METTL15: variants seen among roughly 807,000 people sequenced by gnomAD.
METTL15 encodes the protein 12S rRNA N(4)-cytidine methyltransferase METTL15.
METTL15 carries 34 observed loss-of-function variants against 38.3 expected under a neutral mutation model. The ratio of observed to expected loss-of-function variants is 0.89; its 90% CI spans 0.68 to 1.18. The LOEUF (loss-of-function observed/expected upper bound fraction) is 1.18, where lower values mean the gene tolerates loss of function less well. METTL15 is among the 50% of genes most tolerant of loss of function. The pLI, the probability that METTL15 is intolerant of heterozygous loss-of-function variation, is 0.00. For synonymous variants in METTL15, 162 were observed against 170.9 expected, an observed-to-expected ratio of 0.95 and a Z score of 0.41; for missense variants, 438 against 498.4, an observed-to-expected ratio of 0.88 and a Z score of 1.15.
downstream of METTL15, among the ~76,000 whole-genome samples, chr11:28,528,821 A>G (rs1196768422): frequency 6.6e-6 from 1 of 152,222 alleles, no homozygotes; most frequent in Non-Finnish European, 1.5e-5. Flanking sequence ...AATAGAGGAA[A>G]TGCTGAGACT....
chr11:28,165,592 T>TC (rs1241350256), intron 3 of METTL15, among the ~76,000 whole-genome samples: 1 of 152,168 alleles, frequency 6.6e-6, no homozygotes, highest in Non-Finnish European at 1.5e-5. Context: ...TGCAGATATT[T>TC]TCTCTCATCC....
chr11:28,266,175 G>C (rs926492279), intron 4 of METTL15, among the ~76,000 whole-genome samples: 1 of 152,118 alleles, frequency 6.6e-6, no homozygotes, highest in Non-Finnish European at 1.5e-5. Context: ...TCTAGAACTA[G>C]AAATACCATT....
At chr11:28,440,059 G>A (rs1441169850) in intron 6 of METTL15, among the ~76,000 whole-genome samples, 1 of 152,120 alleles carries the variant, frequency 6.6e-6, no homozygotes, top group Non-Finnish European at 1.5e-5. Flanking sequence ...CCTGACTGTG[G>A]CAATTTGCAT....
chr11:28,328,277 A>G, intron 6 of METTL15: 1 of 1,011,142 alleles, frequency 9.9e-7, no homozygotes, highest in Admixed American at 3.2e-5. Flanking sequence ...CTTTTGGCAA[A>G]GTAATTTTTA....
At chr11:28,230,595 ACCC>A (rs1415316275) in intron 4 of METTL15, among the ~76,000 whole-genome samples, 1 of 151,902 alleles carries the variant, frequency 6.6e-6, no homozygotes, top group African/African-American at 2.4e-5. Flanking sequence ...TTTTAGTAGA[ACCC>A]TTCATGTTTG....
At chr11:28,457,439 T>C (rs1851178487) in intron 6 of METTL15, among the ~76,000 whole-genome samples, 1 of 152,208 alleles carries the variant, frequency 6.6e-6, no homozygotes, top group African/African-American at 2.4e-5. Flanking sequence ...CCTTAAGCAC[T>C]CTATAATTTA....
chr11:28,208,493 G>T (rs962892135), intron 3 of METTL15, among the ~76,000 whole-genome samples: 1 of 152,038 alleles, frequency 6.6e-6, no homozygotes, highest in Non-Finnish European at 1.5e-5. Context: ...TATAATTTCT[G>T]TTCTTTTACA....
At chr11:28,118,599 A>G (rs1457090893) in intron 3 of METTL15, among the ~76,000 whole-genome samples, 1 of 152,184 alleles carries the variant, frequency 6.6e-6, no homozygotes, top group African/African-American at 2.4e-5. Context: ...CTAAATAGCT[A>G]AATTCTGCTT....
intron 2 of METTL15, among the ~76,000 whole-genome samples, chr11:28,112,357 G>C (rs1851754716): frequency 6.6e-6 from 1 of 152,148 alleles, no homozygotes; most frequent in South Asian, 2.1e-4. Context: ...GTATACGAAG[G>C]TGTGGGTCAT....
At chr11:28,273,997 C>T (rs971405145) in intron 4 of METTL15, among the ~76,000 whole-genome samples, 1 of 152,004 alleles carries the variant, frequency 6.6e-6, no homozygotes, top group African/African-American at 2.4e-5. Flanking sequence ...TTATTTCGTA[C>T]TAATATACAC....
chr11:28,170,022 T>C (rs997084464), intron 3 of METTL15, among the ~76,000 whole-genome samples: 5 of 152,136 alleles, frequency 3.3e-5, no homozygotes, highest in African/African-American at 9.7e-5. Context: ...GTGGTTCCTG[T>C]TGGGCTTCTG....
intron 4 of METTL15, among the ~76,000 whole-genome samples, chr11:28,219,967 T>A (rs1853113783): frequency 6.6e-6 from 1 of 152,186 alleles, no homozygotes; most frequent in African/African-American, 2.4e-5. Context: ...TGCTGATGAG[T>A]GCTTTATTTC....
chr11:28,359,488 G>A (rs990411227), intron 4 of METTL15, among the ~76,000 whole-genome samples: 1 of 152,100 alleles, frequency 6.6e-6, no homozygotes, highest in Non-Finnish European at 1.5e-5. Context: ...AATTTTTTGA[G>A]AAATCTCCAA....
intron 5 of METTL15, among the ~76,000 whole-genome samples, chr11:28,378,136 G>C (rs1271412427): frequency 6.6e-6 from 1 of 152,100 alleles, no homozygotes; most frequent in Non-Finnish European, 1.5e-5. Flanking sequence ...CCCCAGAGGT[G>C]GAGCCTACAG....
chr11:28,381,147 C>T (rs1313826669), intron 5 of METTL15, among the ~76,000 whole-genome samples: 2 of 152,054 alleles, frequency 1.3e-5, no homozygotes, highest in African/African-American at 4.8e-5. Context: ...TGACTACAGG[C>T]ATGTGCTTGG....
chr11:28,418,789 G>A (rs1850795398), intron 5 of METTL15, among the ~76,000 whole-genome samples: 1 of 152,136 alleles, frequency 6.6e-6, no homozygotes, highest in African/African-American at 2.4e-5. Context: ...AAAGTGCAGT[G>A]AATGTGGGAC....
chr11:28,384,608 C>T (rs1850422001), intron 5 of METTL15, among the ~76,000 whole-genome samples: 1 of 152,036 alleles, frequency 6.6e-6, no homozygotes, highest in African/African-American at 2.4e-5. Flanking sequence ...CCACACCCAG[C>T]CACATGTGTC....
intron 6 of METTL15, among the ~76,000 whole-genome samples, chr11:28,463,706 C>T (rs1019874639): frequency 1.3e-5 from 2 of 151,700 alleles, no homozygotes; most frequent in South Asian, 2.1e-4. Context: ...ATCCCAGGGA[C>T]TTAGTACCAC....
At chr11:28,114,911 A>G (rs1195607612) in intron 3 of METTL15, among the ~76,000 whole-genome samples, 1 of 152,176 alleles carries the variant, frequency 6.6e-6, no homozygotes, top group Admixed American at 6.5e-5. Context: ...AGAACATTAC[A>G]CTGGCTGAGT....
Sources: allele counts gnomAD v4.1 joint callset (sites outside exome capture counted in the v4.1 genomes callset), GRCh38; gene constraint gnomAD v4.1.1; transcripts MANE v1.5; gene names NCBI Gene and HGNC (gene_info 2026-07-23, HGNC 2026-07-21).